The following PDE6C variants were observed in gnomAD, a reference collection of about 807,000 sequenced individuals.
The protein encoded by PDE6C is phosphodiesterase 6C.
In PDE6C, 75 loss-of-function variants were observed where a neutral mutation model predicts 113.1. That is an observed-to-expected ratio of 0.66 (90% CI 0.55 to 0.80). The LOEUF (loss-of-function observed/expected upper bound fraction) is 0.80. PDE6C is among the 30% of genes least tolerant of loss of function. The pLI is 0.00. For missense variants in PDE6C, 912 were observed against 1,038.6 expected (o/e 0.88, Z 1.67); for synonymous variants, 375 against 363.7 (o/e 1.03, Z -0.35).
chr10:93,613,827 G>T (rs1366956131), intron 1 of PDE6C, among the ~76,000 whole-genome samples: 2 of 152,176 alleles, frequency 1.3e-5, no homozygotes, highest in African/African-American at 4.8e-5. Flanking sequence ...CACTCCCACT[G>T]CTCCATAACC....
At chr10:93,654,429 C>T (rs1247594329) in intron 15 of PDE6C, among the ~76,000 whole-genome samples, 1 of 152,196 alleles carries the variant, frequency 6.6e-6, no homozygotes, top group African/African-American at 2.4e-5. Flanking sequence ...GTTACTTCAC[C>T]TCTCTGTGCT....
intron 9 of PDE6C, 126 bp downstream of exon 9, chr10:93,635,033 A>G: frequency 1.0e-6 from 1 of 965,584 alleles, no homozygotes; most frequent in Admixed American, 2.0e-5. Flanking sequence ...CATAGCTGTA[A>G]CCAATATGTT....
chr10:93,659,916 C>T (rs572019470), intron 18 of PDE6C, among the ~76,000 whole-genome samples: 21 of 152,310 alleles, frequency 1.4e-4, no homozygotes, highest in African/African-American at 4.3e-4. Context: ...TATAAGAAGG[C>T]ACTGACTGTG....
chr10:93,658,943 A>T lies in PDE6C; in HGVS notation c.2079A>T (p.Gln693His), dbSNP rs2058653507. The change falls in exon 17 of 22, where the codon CAA (glutamine) becomes CAT (histidine). Residue 693 changes from glutamine to histidine, a missense_variant. Gln to His is a conservative substitution (Grantham distance 24, BLOSUM62 0). Transcript: ENST00000371447. ...AAAAAATTGTTGATGCCTGTGAACA[A>T]ATGCAAACGGAAGAAGAAGCCATCA... ...MFQKIVDACE[Q>H]MQTEEEAIKY... The T allele has an allele frequency of 6.2e-7, 1 of 1,613,192 alleles. No individual in the cohort carries two copies. Among genetic ancestry groups the T allele is most frequent in the South Asian group, 1.1e-5 (1 of 91,070 alleles).
chr10:93,612,915 G>A lies in PDE6C; in HGVS notation c.190G>A (p.Glu64Lys). ...GGTGGAGGAGTCAGCCCTGTGCTTG[G>A]AGCTGCTGTGGACCGTGCAGGAGGA... Reference protein sequence around the residue: ...TQVEESALCLELLWTVQEEGG... With the variant: ...TQVEESALCLKLLWTVQEEGG... Residue 64 changes from glutamate (E) to lysine (K), a missense_variant, in exon 1 of 22, where the codon GAG becomes AAG. Glu to Lys is a moderately conservative substitution (Grantham distance 56). Coordinates refer to ENST00000371447, the MANE Select transcript of PDE6C (RefSeq NM_006204.4). 1 of 1,614,004 alleles carries A rather than the reference G, an allele frequency of 6.2e-7. No homozygotes were observed. The highest frequency in any genetic ancestry group is 8.5e-7 in the Non-Finnish European group (1 of 1,180,028).
chr10:93,637,244 C>A (rs989980619), intron 11 of PDE6C, among the ~76,000 whole-genome samples, 181 bp downstream of exon 11: 5 of 152,170 alleles, frequency 3.3e-5, no homozygotes, highest in Non-Finnish European at 7.4e-5. Context: ...TGCTTTTCTT[C>A]ATCTTTGTCG....
In PDE6C at chr10:93,635,488, C is replaced by G. The variant is rs11187564; in HGVS notation, c.1270-9C>G. On this transcript the variant is annotated splice_polypyrimidine_tract_variant and intron_variant, in intron 9 of 21. Transcript: ENST00000371447. The stretch of plus-strand genomic sequence containing the variant: ...GAAGAGAATTAGAATCACCTTTTAT[C>G]CATTTCAGACTCTCACACAATTTCT... 1.2e-6 allele frequency: 2 copies of G among 1,607,740 alleles called. No homozygotes were observed. The highest frequency in any genetic ancestry group is 2.2e-5 in the South Asian group (2 of 90,864).
At position 93,627,737 on chromosome 10, in the gene PDE6C, T is replaced by C. The variant is rs1475795752; in HGVS notation, c.1071+866T>C. On this transcript the variant is annotated intron_variant, in intron 7 of 21. Transcript: ENST00000371447. ...GCTTTTTGCCTCTTCAAAAACACAG[T>C]TGAAGGGTGCTCAGCCCATCAAATG... Among the ~76,000 whole-genome samples the C allele has an allele frequency of 2.4e-4, 37 of 152,202 alleles. 1 individual carries two copies. The highest frequency in any genetic ancestry group is 1.5e-5 in the Non-Finnish European group (1 of 68,032).
rs886047483 is a variant in PDE6C, at chr10:93,659,175, CAGTTA to C, written c.2208+13_2208+17del. On this transcript the variant is annotated intron_variant, in intron 18 of 21. Transcript: ENST00000371447. ...TGGGAGGTGCAAAGTCAGGTGAGTC[CAGTTA>C]AGTTTTCTTTTCTGTCACACTGTCA... 6.3e-7 allele frequency: 1 copy of C among 1,597,058 alleles called. No individual in the cohort carries two copies. The highest frequency in any genetic ancestry group is 8.6e-7 in the Non-Finnish European group (1 of 1,166,854).
intron 14 of PDE6C, among the ~76,000 whole-genome samples, chr10:93,643,742 T>C (rs368267775): frequency 6.6e-6 from 1 of 151,532 alleles, no homozygotes; most frequent in East Asian, 1.9e-4. Flanking sequence ...TCAGCTGCAA[T>C]ACTAGATTTC....
rs537970040 is a variant in PDE6C at position 93,613,264 on chromosome 10, G to A, written c.480+59G>A. ...TGGCAGGGTCAGGGAGGAACAAATGGGAAAGAGAGATAGTGCTATCCTTGT... is the reference window on the plus strand; with the variant it reads ...TGGCAGGGTCAGGGAGGAACAAATGAGAAAGAGAGATAGTGCTATCCTTGT... On this transcript the variant is annotated intron_variant, in intron 1 of 21. Transcript: ENST00000371447. 35 of 1,606,392 alleles carry A rather than the reference G, an allele frequency of 2.2e-5. No individual in the cohort carries two copies. In the South Asian group the frequency reaches 3.3e-4, roughly 15 times the overall value.
rs776056312 is a variant in PDE6C at position 93,640,575 on chromosome 10, T to C, written c.1737+18T>C. On this transcript the variant is annotated intron_variant, in intron 13 of 21. Transcript: ENST00000371447. ...TGCTGATGGTAGGTACAGAGGGCTG[T>C]AAATCCTTGTAAACCTGCAGATTTC... The C allele has an allele frequency of 2.1e-6, 3 of 1,460,120 alleles. No homozygotes were observed. The highest frequency in any genetic ancestry group is 2.9e-6 in the Non-Finnish European group (3 of 1,039,606). 90.4% of individuals were successfully genotyped at this position (1,460,120 alleles called of 1,614,324 possible). A position where few individuals can be genotyped will look rare whatever the true frequency, so the allele number is the denominator to read the frequency against.
At chr10:93,661,216 C>G (rs1313875185) in intron 18 of PDE6C, among the ~76,000 whole-genome samples, 1 of 152,140 alleles carries the variant, frequency 6.6e-6, no homozygotes, top group Admixed American at 6.5e-5. Flanking sequence ...TGCCTGTCCT[C>G]AACTCACACT....
At chr10:93,635,139 C>T (rs761386306) in intron 9 of PDE6C, among the ~76,000 whole-genome samples, 7 of 152,116 alleles carry the variant, frequency 4.6e-5, no homozygotes, top group Non-Finnish European at 1.0e-4. Context: ...TAATAATACT[C>T]GGAAAACAGG....
At chr10:93,623,082 G>A (rs1167684844) in intron 4 of PDE6C, among the ~76,000 whole-genome samples, 1 of 152,156 alleles carries the variant, frequency 6.6e-6, no homozygotes, top group Non-Finnish European at 1.5e-5. Flanking sequence ...TGTTTTGCAT[G>A]TCTACCAGAT....
chr10:93,629,399 C>CA, intron 8 of PDE6C, 94 bp downstream of exon 8: 4 of 947,462 alleles, frequency 4.2e-6, no homozygotes, highest in Non-Finnish European at 7.0e-6. Flanking sequence ...CCGCCTGATG[C>CA]TCAGGTGTGG....
At chr10:93,627,258 C>CAAAAAAAAAAAAAAAAAAAAAAAA in intron 7 of PDE6C, among the ~76,000 whole-genome samples, 1 of 52,580 alleles carries the variant, frequency 1.9e-5, no homozygotes, top group Non-Finnish European at 3.6e-5. Context: ...TGAAACTCCA[C>CAAAAAAAAAAAAAAAAAAAAAAAA]AAAAAAAAAA....
At chr10:93,641,535 G>A (rs1018634) in intron 14 of PDE6C, among the ~76,000 whole-genome samples, 45,263 of 151,912 alleles carry the variant, frequency 0.3, 6,894 homozygotes, top group Admixed American at 0.37. Context: ...GGAGGTAGAC[G>A]TGTGCCTCTG....
rs997479152 is a variant in PDE6C at position 93,634,892 on chromosome 10, T to C, written c.1254T>C (p.Asp418=). ...ATGGAAAACCTTTCGATGAGCATGA[T>C]GAATACATTACCGAGGCAAGTGCAA... ...RKDGKPFDEH[D]EYITETLTQF... The change falls in exon 9 of 22, where the codon GAT becomes GAC. Residue 418 remains aspartate (D), a synonymous_variant. Transcript: ENST00000371447. 2.5e-6 allele frequency: 4 copies of C among 1,614,046 alleles called. 1 individual carries two copies. In the Admixed American group the frequency reaches 6.7e-5, roughly 27 times the overall value.
Sources: gnomAD v4.1 joint callset for allele counts (sites outside exome capture counted in the v4.1 genomes callset) on GRCh38, gnomAD v4.1.1 for gene constraint, MANE v1.5 for transcripts, NCBI Gene and HGNC (gene_info 2026-07-23, HGNC 2026-07-21) for gene names.